Variants in CSMD1 observed in about 807,000 individuals in gnomAD.
CSMD1 encodes CUB and Sushi multiple domains 1, also known as CUB and sushi domain-containing protein 1.
In CSMD1, 213 loss-of-function variants were observed where a neutral mutation model predicts 417.5. The observed-to-expected ratio is 0.51, with a 90% CI of 0.46 to 0.57. CSMD1 has a LOEUF of 0.57. Among genes scored for constraint, CSMD1 ranks in the 20% least tolerant of loss-of-function variants. The pLI is 0.00. For synonymous variants in CSMD1, 2,862 were observed against 1,736.8 expected, an observed-to-expected ratio of 1.65 and a Z score of -16.11; for missense variants, 6,923 against 4,529.7, an observed-to-expected ratio of 1.53 and a Z score of -15.17.
chr8:4,220,743 A>G (rs1391647270), intron 3 of CSMD1, among the ~76,000 whole-genome samples: 1 of 152,234 alleles, frequency 6.6e-6, no homozygotes, highest in African/African-American at 2.4e-5. Flanking sequence ...GATGAGAAAG[A>G]CAGAGAAACA....
At chr8:2,955,811 A>T in intron 63 of CSMD1, 43 bp from the exon 64 acceptor site, 1 of 1,576,950 alleles carries the variant, frequency 6.3e-7, no homozygotes, top group African/African-American at 1.4e-5. Flanking sequence ...TTTATTGTAA[A>T]GTTAGCACAT....
intron 3 of CSMD1, among the ~76,000 whole-genome samples, chr8:4,149,392 G>C (rs1030173751): frequency 1.8e-4 from 28 of 152,286 alleles, no homozygotes; most frequent in African/African-American, 5.3e-4. Context: ...ATATATCTTA[G>C]GTGGTAACTG....
Position 3,410,403 on chromosome 8 carries a change from C to T in CSMD1, c.1562-798G>A, listed in dbSNP as rs536550643. Among the ~76,000 whole-genome samples, 209 of 152,252 alleles carry T rather than the reference C, an allele frequency of 1.4e-3. 2 individuals are homozygous for T. The highest frequency in any genetic ancestry group is 2.5e-3 in the Non-Finnish European group (172 of 68,034). On this transcript the variant is annotated intron_variant, in intron 12 of 69. Transcript: ENST00000635120. Reference sequence around the variant, plus strand: ...TCCCCACCTAATTCTCATTTTGAATCCCACGTGTTGTGGCAGGGATCTGGT... The same window carrying T: ...TCCCCACCTAATTCTCATTTTGAATTCCACGTGTTGTGGCAGGGATCTGGT...
chr8:3,179,952 A>G (rs955583839), intron 37 of CSMD1, among the ~76,000 whole-genome samples: 3 of 152,244 alleles, frequency 2.0e-5, no homozygotes, highest in African/African-American at 7.2e-5. Context: ...TGCCTGGCTT[A>G]GAATATTTAT....
chr8:4,197,240 A>C (rs1054739719), intron 3 of CSMD1, among the ~76,000 whole-genome samples: 1 of 152,174 alleles, frequency 6.6e-6, no homozygotes, highest in Non-Finnish European at 1.5e-5. Context: ...TTCACAGATA[A>C]TTTCGTATAA....
chr8:3,641,973 G>C (rs1797328947), intron 7 of CSMD1, among the ~76,000 whole-genome samples: 1 of 152,116 alleles, frequency 6.6e-6, no homozygotes, highest in African/African-American at 2.4e-5. Flanking sequence ...TGGGGAGAGA[G>C]CAGCAATCCT....
At chr8:3,695,885 T>C (rs910298984) in intron 7 of CSMD1, among the ~76,000 whole-genome samples, 2 of 152,244 alleles carry the variant, frequency 1.3e-5, no homozygotes, top group Non-Finnish European at 1.5e-5. Flanking sequence ...GGTATATTCA[T>C]TGTACTCATT....
intron 7 of CSMD1, among the ~76,000 whole-genome samples, chr8:3,688,353 C>A (rs532555710): frequency 5.9e-5 from 9 of 152,270 alleles, no homozygotes; most frequent in African/African-American, 2.2e-4. Flanking sequence ...AAAGTTTAAT[C>A]ATCCAGTGAT....
chr8:4,882,098 C>T (rs1803441853), intron 1 of CSMD1, among the ~76,000 whole-genome samples: 1 of 151,882 alleles, frequency 6.6e-6, no homozygotes, highest in Non-Finnish European at 1.5e-5. Flanking sequence ...CTCATTTAAC[C>T]ACAGTATTTT....
chr8:3,881,563 C>T (rs1380177364), intron 5 of CSMD1, among the ~76,000 whole-genome samples: 3 of 148,244 alleles, frequency 2.0e-5, no homozygotes, highest in African/African-American at 5.0e-5. Context: ...CAAGATGGAG[C>T]CATTGCAGTC....
At chr8:3,376,643 C>A (rs1300432613) in intron 18 of CSMD1, among the ~76,000 whole-genome samples, 6 of 151,908 alleles carry the variant, frequency 3.9e-5, no homozygotes, top group African/African-American at 1.5e-4. Context: ...TTGTCTTTCA[C>A]AAAATTAGAG....
At chr8:3,529,031 C>A (rs1019190709) in intron 10 of CSMD1, among the ~76,000 whole-genome samples, 1 of 152,154 alleles carries the variant, frequency 6.6e-6, no homozygotes, top group Non-Finnish European at 1.5e-5. Context: ...CTCAACAGAG[C>A]TTTCGAACAA....
At chr8:3,763,761 T>C (rs1422840739) in intron 5 of CSMD1, among the ~76,000 whole-genome samples, 1 of 152,078 alleles carries the variant, frequency 6.6e-6, no homozygotes, top group African/African-American at 2.4e-5. Flanking sequence ...AGATAAATGG[T>C]GGTAGGACAA....
At chr8:4,292,626 T>C (rs1797437092) in intron 3 of CSMD1, among the ~76,000 whole-genome samples, 2 of 152,170 alleles carry the variant, frequency 1.3e-5, no homozygotes, top group South Asian at 4.1e-4. Context: ...TGTTGATATT[T>C]TCTGTGCCTC....
intron 51 of CSMD1, among the ~76,000 whole-genome samples, chr8:3,029,109 C>T (rs577654849): frequency 5.8e-4 from 89 of 152,172 alleles, no homozygotes; most frequent in African/African-American, 2.0e-3. Context: ...GAAAAGACAA[C>T]ATCAAATGCC....
intron 2 of CSMD1, among the ~76,000 whole-genome samples, chr8:4,588,004 G>A (rs548740535): frequency 5.6e-4 from 86 of 152,294 alleles, no homozygotes; most frequent in Non-Finnish European, 8.4e-4. Context: ...AATCGTGAAT[G>A]CAGCACCATT....
At chr8:3,374,822 C>G (rs1236266608) in intron 18 of CSMD1, among the ~76,000 whole-genome samples, 4 of 152,140 alleles carry the variant, frequency 2.6e-5, no homozygotes. Flanking sequence ...TTATTGTCTT[C>G]CCACCACCCG....
chr8:4,551,842 C>T (rs372010395), intron 2 of CSMD1, among the ~76,000 whole-genome samples: 5 of 148,602 alleles, frequency 3.4e-5, no homozygotes, highest in African/African-American at 1.3e-4. Flanking sequence ...CTACACATGG[C>T]TAATTTTTTG....
At position 3,839,094 on chromosome 8, in the gene CSMD1, A is replaced by C. The variant is rs894345923; in HGVS notation, c.819-85052T>G. On this transcript the variant is annotated intron_variant, in intron 5 of 69. Coordinates refer to ENST00000635120, the MANE Select transcript of CSMD1 (RefSeq NM_033225.6). ...TATAGCCTAGGCTATATATAATATA[A>C]TATAGCCTATATATATAGTCTATAT... 4.6e-5 allele frequency among the ~76,000 whole-genome samples: 5 copies of C among 108,924 alleles called. No individual in the cohort carries two copies. The South Asian group carries it at 1.3e-3, about 28-fold the overall frequency. 71.5% of individuals were successfully genotyped at this position (108,924 alleles called of 152,430 possible). A position where few individuals can be genotyped will look rare whatever the true frequency, so the allele number is the denominator to read the frequency against.
Sources: allele counts gnomAD v4.1 joint callset (sites outside exome capture counted in the v4.1 genomes callset), GRCh38; gene constraint gnomAD v4.1.1; transcripts MANE v1.5; gene names NCBI Gene and HGNC (gene_info 2026-07-23, HGNC 2026-07-21).